Variants in ADAMTS17 observed in about 807,000 individuals in gnomAD.
ADAMTS17 encodes the protein A disintegrin and metalloproteinase with thrombospondin motifs 17.
ADAMTS17 carries 113 observed loss-of-function variants against 141.5 expected under a neutral mutation model. That is an observed-to-expected ratio of 0.80 (90% CI 0.69 to 0.93). The LOEUF (loss-of-function observed/expected upper bound fraction) is 0.93, where lower values mean the gene tolerates loss of function less well. Among genes scored for constraint, ADAMTS17 ranks in the 40% least tolerant of loss-of-function variants. The pLI is 0.00. For synonymous variants in ADAMTS17, 768 were observed against 630.6 expected (o/e 1.22, Z -3.27); for missense variants, 1,659 against 1,517.9 (o/e 1.09, Z -1.54).
chr15:100,340,082 A>C (rs2046318379), intron 2 of ADAMTS17, among the ~76,000 whole-genome samples: 1 of 152,264 alleles, frequency 6.6e-6, no homozygotes, highest in Non-Finnish European at 1.5e-5. Flanking sequence ...CAGTCATGAC[A>C]GAAGACAGAG....
intron 7 of ADAMTS17, among the ~76,000 whole-genome samples, chr15:100,203,861 G>C (rs189843919): frequency 6.0e-4 from 91 of 151,832 alleles, no homozygotes; most frequent in African/African-American, 2.2e-3. Context: ...ATCCATCACT[G>C]CACTGCAGCC....
intron 10 of ADAMTS17, among the ~76,000 whole-genome samples, chr15:100,151,647 T>C (rs2039170258): frequency 6.6e-6 from 1 of 152,182 alleles, no homozygotes. Flanking sequence ...TACCCCTGGC[T>C]GGTTCCCCTA....
chr15:100,000,753 T>A (rs2060904784), intron 18 of ADAMTS17, among the ~76,000 whole-genome samples: 2 of 152,196 alleles, frequency 1.3e-5, no homozygotes, highest in African/African-American at 4.8e-5. Flanking sequence ...CCTTAAGTGA[T>A]CCACCTGCCT....
chr15:100,324,701 G>A (rs2045846538), intron 3 of ADAMTS17, among the ~76,000 whole-genome samples: 1 of 152,186 alleles, frequency 6.6e-6, no homozygotes, highest in Non-Finnish European at 1.5e-5. Flanking sequence ...CCAGCTTAGT[G>A]CTCTGCAGGC....
chr15:100,248,450 C>G (rs1195988431), intron 7 of ADAMTS17, among the ~76,000 whole-genome samples: 2 of 152,172 alleles, frequency 1.3e-5, no homozygotes, highest in Non-Finnish European at 2.9e-5. Context: ...AAGAGGAACG[C>G]AAAGGGCAGG....
intron 8 of ADAMTS17, among the ~76,000 whole-genome samples, chr15:100,157,778 T>C (rs1424526174): frequency 6.6e-6 from 1 of 152,208 alleles, no homozygotes; most frequent in Non-Finnish European, 1.5e-5. Context: ...TCTCGTTAGA[T>C]TCAGTCTCGT....
At chr15:100,200,425 G>T (rs939611477) in intron 7 of ADAMTS17, among the ~76,000 whole-genome samples, 2 of 152,090 alleles carry the variant, frequency 1.3e-5, no homozygotes, top group East Asian at 1.9e-4. Context: ...CACTTCTGGG[G>T]GCTGACTCTC....
intron 20 of ADAMTS17, among the ~76,000 whole-genome samples, chr15:99,991,257 T>C (rs1567649757): frequency 6.6e-6 from 1 of 152,194 alleles, no homozygotes; most frequent in Admixed American, 6.5e-5. Flanking sequence ...GGAAAAAATT[T>C]TGCAATCTAT....
At chr15:100,201,611 G>T (rs994834045) in intron 7 of ADAMTS17, among the ~76,000 whole-genome samples, 50 of 152,166 alleles carry the variant, frequency 3.3e-4, no homozygotes, top group African/African-American at 1.2e-3. Context: ...TCACACACTG[G>T]GCCCAGGTAC....
At chr15:100,298,040 TG>T (rs1243238075) in intron 3 of ADAMTS17, among the ~76,000 whole-genome samples, 2 of 148,118 alleles carry the variant, frequency 1.4e-5, no homozygotes, top group Admixed American at 1.3e-4. Flanking sequence ...GGTGTGGGGG[TG>T]GGGGGTCTCA....
At position 99,997,506 on chromosome 15, in the gene ADAMTS17, A is replaced by G. The variant is rs2060825772; in HGVS notation, c.2675T>C (p.Leu892Pro). The G allele has an allele frequency of 6.2e-7, 1 of 1,613,502 alleles. No individual in the cohort carries two copies. Among genetic ancestry groups the G allele is most frequent in the African/African-American group, 1.3e-5 (1 of 74,906 alleles). Residue 892 changes from leucine to proline, a missense_variant, in exon 19 of 22, where the codon CTG (leucine) becomes CCG (proline). By Grantham distance (98) the Leu-to-Pro change is moderately conservative. Coordinates refer to ENST00000268070, the MANE Select transcript of ADAMTS17 (RefSeq NM_139057.4). The surrounding 1 kb of genome is among the most constrained non-coding windows in gnomAD (Gnocchi z 4.7). The stretch of plus-strand genomic sequence containing the variant: ...CGTAGCGACGTGTGTGCCGTTCTGC[A>G]GCTGGTACACGCAGGTCACCTCCCG... ...QHREVTCVYQ[L>P]QNGTHVATRP...
At chr15:100,163,627 A>C (rs2039828609) in intron 8 of ADAMTS17, among the ~76,000 whole-genome samples, 1 of 152,214 alleles carries the variant, frequency 6.6e-6, no homozygotes, top group East Asian at 1.9e-4. Context: ...CTGGGATTAC[A>C]GGTGCACGCC....
At chr15:100,069,431 C>A (rs1394778730) in intron 15 of ADAMTS17, among the ~76,000 whole-genome samples, 1 of 152,070 alleles carries the variant, frequency 6.6e-6, no homozygotes, top group Non-Finnish European at 1.5e-5. Flanking sequence ...AACTCCAAGA[C>A]ACATAATTGT....
At chr15:100,079,022 A>C (rs1432541572) in intron 15 of ADAMTS17, among the ~76,000 whole-genome samples, 3 of 152,240 alleles carry the variant, frequency 2.0e-5, no homozygotes, top group African/African-American at 7.2e-5. Flanking sequence ...GACATACCAC[A>C]TTGTACCCAC....
intron 20 of ADAMTS17, chr15:99,979,850 A>G (rs1430313440): frequency 2.0e-5 from 3 of 152,380 alleles, no homozygotes; most frequent in South Asian, 2.1e-4. Context: ...ATATGAATGT[A>G]TAACTACATC....
rs368958327 is a variant in ADAMTS17, at chr15:100,202,887, T to C, written c.1076-3464A>G. ...CCTTCTGAGTTAACTGGAATTGCCT[T>C]ATGCTGGGGAGAGGCTTTTAGACCC... is the stretch of plus-strand genomic sequence containing the variant. On this transcript the variant is annotated intron_variant, in intron 7 of 21. Transcript: ENST00000268070. Among the ~76,000 whole-genome samples the C allele has an allele frequency of 2.6e-5, 4 of 152,366 alleles. No individual in the cohort carries two copies. The East Asian group carries it at 7.7e-4, about 29-fold the overall frequency.
rs1157647161 is a variant in ADAMTS17 at position 99,974,509 on chromosome 15, T to C, written c.3181A>G (p.Ile1061Val). 6 of 1,614,226 alleles carry C rather than the reference T, an allele frequency of 3.7e-6. No homozygotes were observed. The Admixed American group carries it at 6.7e-5, about 18-fold the overall frequency. ...RDQWTVYCRVIREKNLCQDMR... is the reference protein window; with the variant it reads ...RDQWTVYCRVVREKNLCQDMR... ...TCCTGGCAGAGGTTCTTTTCTCGGA[T>C]GACCCGGCAATATACCGTCCACTGG... is the stretch of plus-strand genomic sequence containing the variant. The change falls in exon 22 of 22, where the codon ATC becomes GTC. Residue 1061 changes from isoleucine (I) to valine (V), a missense_variant. Physicochemically the swap from Ile to Val is conservative, Grantham distance 29. Transcript: ENST00000268070.
chr15:100,132,138 C>T lies in ADAMTS17; in HGVS notation c.1590G>A (p.Gly530=). The T allele has an allele frequency of 6.2e-7, 1 of 1,613,732 alleles. No individual in the cohort carries two copies. Among genetic ancestry groups the T allele is most frequent in the Non-Finnish European group, 8.5e-7 (1 of 1,179,952 alleles). The change falls in exon 12 of 22, where the codon GGG becomes GGA. Residue 530 remains glycine (G), a synonymous_variant. Coordinates refer to ENST00000268070, the MANE Select transcript of ADAMTS17 (RefSeq NM_139057.4). ...GGATGGGCGTCTTGCTCACGCACTC[C>T]CCCGCGCGGCACCACTGAAACACAG... is the stretch of plus-strand genomic sequence containing the variant. ...ECGADKWCRA[G]ECVSKTPIPE... is the part of the protein sequence containing the mutation.
At chr15:100,289,327 A>G (rs1490528412) in intron 3 of ADAMTS17, among the ~76,000 whole-genome samples, 1 of 152,156 alleles carries the variant, frequency 6.6e-6, no homozygotes, top group Non-Finnish European at 1.5e-5. Context: ...CAAGTTCCAA[A>G]ATTGAATCAG....
Sources: gnomAD v4.1 joint callset for allele counts (sites outside exome capture counted in the v4.1 genomes callset) on GRCh38, gnomAD v4.1.1 for gene constraint, Gnocchi (gnomAD v3.1) non-coding constraint, MANE v1.5 for transcripts, NCBI Gene and HGNC (gene_info 2026-07-23, HGNC 2026-07-21) for gene names.